The following GRHPR variants were observed in gnomAD, a reference collection of about 807,000 sequenced individuals.
GRHPR encodes glyoxylate reductase/hydroxypyruvate reductase.
A neutral mutation model predicts 36.8 loss-of-function variants in GRHPR; 35 were observed. The observed-to-expected ratio is 0.95, with a 90% CI of 0.73 to 1.26. The LOEUF is 1.26. Among genes scored for constraint, GRHPR ranks in the 50% most tolerant of loss-of-function variants. GRHPR has a pLI of 0.00. For missense variants in GRHPR, 380 were observed against 435.0 expected (o/e 0.87, Z 1.12); for synonymous variants, 179 against 181.0 (o/e 0.99, Z 0.09).
Position 37,426,777 on chromosome 9 carries a change from G to A in GRHPR, c.404+123G>A, listed in dbSNP as rs532752796. ...AGTCTGGCCAACATAGTGAAACCCC[G>A]TCTCTAGTAAAAATACAAAAAAAAT... is the stretch of plus-strand genomic sequence containing the variant. On this transcript the variant is annotated intron_variant, in intron 4 of 8. Coordinates refer to ENST00000318158, the MANE Select transcript of GRHPR (RefSeq NM_012203.2). 8.8e-4 allele frequency: 582 copies of A among 662,060 alleles called. 6 individuals carry two copies. The highest frequency in any genetic ancestry group is 8.2e-3 in the South Asian group (529 of 64,746). The allele number at this position is 662,060 out of a possible 1,614,324, so 41.0% of individuals were successfully genotyped here.
At chr9:37,429,508 G>C in intron 5 of GRHPR, 1 of 608,548 alleles carries the variant, frequency 1.6e-6, no homozygotes, top group Non-Finnish European at 3.0e-6. Flanking sequence ...AGCCTCAGGG[G>C]AGCTGAGGTG....
At position 37,436,713 on chromosome 9, in the gene GRHPR, CT is replaced by C; in HGVS notation, c.920del (p.Leu307CysfsTer11). ...ATHRTRNTMS[L>X]LAANNLLAGL... ...CCCACAGAACCCGCAACACCATGTC[CT>C]TGTTGGCAGCTAACAACTTGCTGGC... On this transcript the variant is annotated frameshift_variant, in exon 9 of 9. Coordinates refer to ENST00000318158, the MANE Select transcript of GRHPR (RefSeq NM_012203.2). LOFTEE classifies it high-confidence loss of function. 6.2e-7 allele frequency: 1 copy of C among 1,614,010 alleles called. No individual in the cohort carries two copies.
chr9:37,436,647 TCTCTC>T lies in GRHPR; in HGVS notation c.866-11_866-7del. 6.2e-7 allele frequency: 1 copy of T among 1,613,644 alleles called. No homozygotes were observed. Among genetic ancestry groups the T allele is most frequent in the South Asian group, 1.1e-5 (1 of 91,078 alleles). On this transcript the variant is annotated splice_polypyrimidine_tract_variant and intron_variant, in intron 8 of 8. Coordinates refer to ENST00000318158, the MANE Select transcript of GRHPR (RefSeq NM_012203.2). ...CCCTTCTTATCTCCCTCTCTCTCTC[TCTCTC>T]CTTTCCAGTGATTCTGCCCCACATT... is the stretch of plus-strand genomic sequence containing the variant.
At chr9:37,423,648 A>C (rs949155684) in intron 1 of GRHPR, among the ~76,000 whole-genome samples, 1 of 150,026 alleles carries the variant, frequency 6.7e-6, no homozygotes, top group Non-Finnish European at 1.5e-5. Context: ...CTAATTTTTT[A>C]TTTTTTTCAA....
At chr9:37,428,113 C>T (rs73437231) in intron 4 of GRHPR, 61 of 365,894 alleles carry the variant, frequency 1.7e-4, no homozygotes, top group African/African-American at 1.2e-3. Flanking sequence ...TTTGTTGCTG[C>T]CCTAAAGTGC....
intron 8 of GRHPR, among the ~76,000 whole-genome samples, chr9:37,435,399 A>G (rs1823593321): frequency 6.6e-6 from 1 of 152,158 alleles, no homozygotes; most frequent in Non-Finnish European, 1.5e-5. Context: ...TTCTATTTGG[A>G]TGGTGAAAAT....
chr9:37,432,010 G>T lies in GRHPR; in HGVS notation c.737G>T (p.Gly246Val). The T allele has an allele frequency of 1.2e-6, 2 of 1,614,084 alleles. No homozygotes were observed. Among genetic ancestry groups the T allele is most frequent in the Non-Finnish European group, 1.7e-6 (2 of 1,179,912 alleles). ...ETAVFINISRGDVVNQDDLYQ... is the reference protein window; with the variant it reads ...ETAVFINISRVDVVNQDDLYQ... Reference sequence around the variant, plus strand: ...CATGTCACCACTGTCATTCCCAGGGGCGACGTCGTAAACCAGGACGACCTG... The same window carrying T: ...CATGTCACCACTGTCATTCCCAGGGTCGACGTCGTAAACCAGGACGACCTG... Residue 246 changes from glycine (G) to valine (V), a missense_variant and splice_region_variant, in exon 8 of 9, where the codon GGC (glycine) becomes GTC (valine). Gly to Val is a moderately radical substitution (Grantham distance 109). Coordinates refer to ENST00000318158, the MANE Select transcript of GRHPR (RefSeq NM_012203.2).
rs1564302375 is a variant in GRHPR, at chr9:37,432,132, A to C, written c.859A>C (p.Asn287His). The stretch of plus-strand genomic sequence containing the variant: ...AAACCACCCTCTCCTGACCCTGAAG[A>C]ACTGTGGTAAGAACTGCACTTTCTG... ...PTNHPLLTLKNCVILPHIGSA... is the reference protein window; with the variant it reads ...PTNHPLLTLKHCVILPHIGSA... The change falls in exon 8 of 9, where the codon AAC (asparagine) becomes CAC (histidine). Residue 287 changes from asparagine to histidine, a missense_variant. Physicochemically the swap from Asn to His is moderately conservative, Grantham distance 68 (BLOSUM62 1). Transcript: ENST00000318158. 7.4e-6 allele frequency: 12 copies of C among 1,613,930 alleles called. No homozygotes were observed. The highest frequency in any genetic ancestry group is 1.0e-5 in the Non-Finnish European group (12 of 1,179,898).
intron 8 of GRHPR, chr9:37,434,469 C>T: frequency 1.7e-6 from 1 of 584,398 alleles, no homozygotes; most frequent in Non-Finnish European, 3.1e-6. Context: ...TGCAGAAATA[C>T]CCAGATCTTT....
At chr9:37,428,752 A>C (rs1398727020) in intron 5 of GRHPR, 180 bp downstream of exon 5, 1 of 699,930 alleles carries the variant, frequency 1.4e-6, no homozygotes, top group Non-Finnish European at 2.6e-6. Flanking sequence ...TAAATAAACC[A>C]AAGCAGGATT....
chr9:37,429,347 A>G, intron 5 of GRHPR: 1 of 325,194 alleles, frequency 3.1e-6, no homozygotes, highest in South Asian at 2.7e-5. Flanking sequence ...CTGAGACTGC[A>G]TTCACAGAAG....
chr9:37,438,441 A>G, downstream of GRHPR: 1 of 152,578 alleles, frequency 6.6e-6, no homozygotes, highest in East Asian at 1.9e-4. Flanking sequence ...ACAGACTAAG[A>G]GGTAGATGAG....
At chr9:37,424,025 A>G (rs539933442) in intron 1 of GRHPR, among the ~76,000 whole-genome samples, 17 of 152,268 alleles carry the variant, frequency 1.1e-4, no homozygotes, top group East Asian at 9.7e-4. Context: ...TGTGTTTCCA[A>G]TGTTAGATAG....
Position 37,429,803 on chromosome 9 carries a change from C to A in GRHPR, c.565C>A (p.Pro189Thr). ...TCTGTACACAGGGCGCCAGCCCAGG[C>A]CTGAGGAAGCAGCAGAATTCCAGGC... ...RFLYTGRQPRPEEAAEFQAEF... is the reference protein window; with the variant it reads ...RFLYTGRQPRTEEAAEFQAEF... Residue 189 changes from proline (P) to threonine (T), a missense_variant, in exon 6 of 9, where the codon CCT (proline) becomes ACT (threonine). By Grantham distance (38) the Pro-to-Thr change is conservative. Transcript: ENST00000318158. 1 of 1,610,308 alleles carries A rather than the reference C, an allele frequency of 6.2e-7. No individual in the cohort carries two copies. Among genetic ancestry groups the A allele is most frequent in the Non-Finnish European group, 8.5e-7 (1 of 1,176,464 alleles).
chr9:37,436,240 C>T (rs1295930192), intron 8 of GRHPR, among the ~76,000 whole-genome samples: 2 of 152,152 alleles, frequency 1.3e-5, no homozygotes, highest in Admixed American at 1.3e-4. Context: ...TCCCAAGTAG[C>T]GGGGACTATA....
chr9:37,422,797 C>T lies in GRHPR; in HGVS notation c.47C>T (p.Pro16Leu), dbSNP rs1160376232. The T allele has an allele frequency of 6.2e-7, 1 of 1,602,412 alleles. No individual in the cohort carries two copies. Residue 16 changes from proline to leucine, a missense_variant, in exon 1 of 9, where the codon CCC (proline) becomes CTC (leucine). Coordinates refer to ENST00000318158, the MANE Select transcript of GRHPR (RefSeq NM_012203.2). ...LMKVFVTRRI[P>L]AEGRVALARA... ...AAGGTGTTCGTCACCCGCAGGATAC[C>T]CGCCGAGGGTAGGGTCGCGCTCGCC... is the stretch of plus-strand genomic sequence containing the variant.
chr9:37,429,451 G>A, intron 5 of GRHPR: 1 of 485,128 alleles, frequency 2.1e-6, no homozygotes, highest in East Asian at 4.0e-5. Context: ...AACCTGAGTG[G>A]CTTTCCAGAT....
intron 4 of GRHPR, among the ~76,000 whole-genome samples, chr9:37,427,529 C>T (rs1823139887): frequency 1.3e-5 from 2 of 152,020 alleles, no homozygotes; most frequent in South Asian, 2.1e-4. Context: ...TCAGGGATTT[C>T]GGCCTGTATA....
chr9:37,425,308 G>A (rs1054514681), intron 2 of GRHPR, among the ~76,000 whole-genome samples: 2 of 152,384 alleles, frequency 1.3e-5, no homozygotes, highest in South Asian at 4.1e-4. Context: ...GGGCGTGTGC[G>A]TAGTATGAGG....
Sources: gnomAD v4.1 joint callset for allele counts (sites outside exome capture counted in the v4.1 genomes callset) on GRCh38, gnomAD v4.1.1 for gene constraint, MANE v1.5 for transcripts, NCBI Gene and HGNC (gene_info 2026-07-23, HGNC 2026-07-21) for gene names.